The following TIA1 variants were observed in gnomAD, a reference collection of about 807,000 sequenced individuals.
The protein encoded by TIA1 is TIA1 cytotoxic granule associated RNA binding protein.
In TIA1, 23 loss-of-function variants were observed where a neutral mutation model predicts 65.9. The ratio of observed to expected loss-of-function variants is 0.35; its 90% CI spans 0.25 to 0.49. The LOEUF (loss-of-function observed/expected upper bound fraction) is 0.49, where lower values mean the gene tolerates loss of function less well. Ranked by LOEUF, TIA1 falls within the 20% of genes least tolerant of loss-of-function variation. The pLI is 0.98. For missense variants in TIA1, 371 were observed against 477.9 expected (o/e 0.78, Z 2.09); for synonymous variants, 147 against 149.4 (o/e 0.98, Z 0.12).
At chr2:70,215,342 T>C (rs1558756017) in intron 11 of TIA1, 29 bp downstream of exon 11, 19 of 1,611,520 alleles carry the variant, frequency 1.2e-5, no homozygotes, top group Admixed American at 1.7e-5. Context: ...AGCCCAACAA[T>C]TACTTCTCAA....
chr2:70,220,804 G>A (rs1040863315), intron 7 of TIA1, among the ~76,000 whole-genome samples: 1 of 151,796 alleles, frequency 6.6e-6, no homozygotes, highest in African/African-American at 2.4e-5. Context: ...CAACTCTTGA[G>A]AATTATAGCC....
chr2:70,216,412 C>T lies in TIA1; in HGVS notation c.671G>A (p.Gly224Glu). ...AGGGAAGGCTCCCATACCTGTTAGC[C>T]CAGAAGTAACACCTCCACAGTATAC... ...CTVYCGGVTSGLTEQLMRQTF... is the reference protein window; with the variant it reads ...CTVYCGGVTSELTEQLMRQTF... Residue 224 changes from glycine (G) to glutamate (E), a missense_variant, in exon 9 of 13, where the codon GGG (glycine) becomes GAG (glutamate). Transcript: ENST00000433529. The T allele has an allele frequency of 1.2e-6, 2 of 1,611,746 alleles. No individual in the cohort carries two copies. The highest frequency in any genetic ancestry group is 1.1e-5 in the South Asian group (1 of 90,398).
At chr2:70,222,929 T>G (rs921773226) in intron 7 of TIA1, among the ~76,000 whole-genome samples, 25 of 143,498 alleles carry the variant, frequency 1.7e-4, no homozygotes, top group African/African-American at 7.2e-4. Context: ...AAAAATTATA[T>G]TATTTACTCA....
At chr2:70,213,420 T>G (rs543598853) in intron 12 of TIA1, among the ~76,000 whole-genome samples, 1 of 151,552 alleles carries the variant, frequency 6.6e-6, no homozygotes, top group Non-Finnish European at 1.5e-5. Flanking sequence ...CTCAGCTCAC[T>G]GCAACCTACG....
In TIA1 at chr2:70,248,501, C is replaced by T; in HGVS notation, c.-71G>A. The T allele has an allele frequency of 6.3e-7, 1 of 1,598,404 alleles. No individual in the cohort carries two copies. Among genetic ancestry groups the T allele is most frequent in the Non-Finnish European group, 8.5e-7 (1 of 1,178,516 alleles). On this transcript the variant is annotated 5_prime_UTR_variant, in exon 1 of 13. Transcript: ENST00000433529. ...TTCACTACCTCCCAAATCGTTTAAG[C>T]GGTTATGGCTACAGGATAGTGGGGT...
chr2:70,223,664 T>C (rs956727316), intron 7 of TIA1, among the ~76,000 whole-genome samples: 2 of 151,870 alleles, frequency 1.3e-5, no homozygotes, highest in Non-Finnish European at 2.9e-5. Flanking sequence ...TCCGCCCACC[T>C]TGGCATCCCA....
At position 70,212,350 on chromosome 2, in the gene TIA1, T is replaced by C. The variant is rs1380686322; in HGVS notation, c.*369A>G. Reference sequence around the variant, plus strand: ...TTTAACATCTTTATATTACATGTTTTAAATCATATCAGGAATGCAAACTAG... The same window carrying C: ...TTTAACATCTTTATATTACATGTTTCAAATCATATCAGGAATGCAAACTAG... On this transcript the variant is annotated 3_prime_UTR_variant, in exon 13 of 13. Transcript: ENST00000433529. 5.8e-6 allele frequency: 1 copy of C among 172,458 alleles called. No individual in the cohort carries two copies. Among genetic ancestry groups the C allele is most frequent in the African/African-American group, 2.4e-5 (1 of 41,918 alleles). 10.7% of individuals were successfully genotyped at this position (172,458 alleles called of 1,614,324 possible). A position where few individuals can be genotyped will look rare whatever the true frequency, so the allele number is the denominator to read the frequency against.
chr2:70,230,670 G>A, intron 3 of TIA1, 86 bp downstream of exon 3: 1 of 897,846 alleles, frequency 1.1e-6, no homozygotes. Context: ...AAAAAAAAGT[G>A]TTTAATGTTT....
At chr2:70,215,237 T>C (rs914809335) in intron 11 of TIA1, 134 bp downstream of exon 11, 3 of 1,123,112 alleles carry the variant, frequency 2.7e-6, no homozygotes, top group Non-Finnish European at 3.8e-6. Context: ...TCTGGAACTA[T>C]AATACATGTA....
intron 3 of TIA1, among the ~76,000 whole-genome samples, chr2:70,230,404 A>C (rs1400195353): frequency 1.3e-5 from 2 of 152,026 alleles, no homozygotes; most frequent in Non-Finnish European, 2.9e-5. Context: ...TAATCCCAAC[A>C]CTTTGCGAAG....
At chr2:70,242,550 T>C (rs1330330344) in intron 1 of TIA1, among the ~76,000 whole-genome samples, 1 of 148,228 alleles carries the variant, frequency 6.7e-6, no homozygotes, top group East Asian at 2.0e-4. Context: ...CTCTGAAAAT[T>C]TGAGTAAAAA....
chr2:70,229,553 C>T (rs1249356436), intron 3 of TIA1, among the ~76,000 whole-genome samples: 2 of 152,138 alleles, frequency 1.3e-5, no homozygotes. Flanking sequence ...CTAAAGTACC[C>T]ATATTATTTT....
chr2:70,214,574 C>A, intron 11 of TIA1, 80 bp from the exon 12 acceptor site: 10 of 957,896 alleles, frequency 1.0e-5, no homozygotes, highest in South Asian at 3.3e-5. Flanking sequence ...AATTCTTAGC[C>A]AAAACACACA....
intron 8 of TIA1, 166 bp from the exon 9 acceptor site, chr2:70,216,665 TAAA>T (rs1558765079): frequency 5.0e-6 from 7 of 1,406,022 alleles, no homozygotes; most frequent in Non-Finnish European, 6.6e-6. Flanking sequence ...CACGAATGTC[TAAA>T]AAATTACCCA....
chr2:70,221,756 G>A (rs376047160), intron 7 of TIA1, among the ~76,000 whole-genome samples: 2 of 151,900 alleles, frequency 1.3e-5, no homozygotes, highest in South Asian at 2.1e-4. Context: ...ACAATTCTGT[G>A]AATTACCTAG....
chr2:70,209,555 A>C lies in TIA1; in HGVS notation c.*3164T>G. The C allele has an allele frequency of 2.5e-6, 1 of 398,322 alleles. No homozygotes were observed. The highest frequency in any genetic ancestry group is 4.4e-6 in the Non-Finnish European group (1 of 225,946). The allele number at this position is 398,322 out of a possible 1,614,324, so 24.7% of individuals were successfully genotyped here. A position where few individuals can be genotyped will look rare whatever the true frequency, so the allele number is the denominator to read the frequency against. ...CAGTCAAAATGCAGTGACTGTAATG[A>C]AATGTAATAACCTCCTATAAAGAAA... is the stretch of plus-strand genomic sequence containing the variant. On this transcript the variant is annotated 3_prime_UTR_variant, in exon 13 of 13. Coordinates refer to ENST00000433529, the MANE Select transcript of TIA1 (RefSeq NM_022173.4).
At chr2:70,248,147 G>A (rs1245950069) in intron 1 of TIA1, among the ~76,000 whole-genome samples, 1 of 152,192 alleles carries the variant, frequency 6.6e-6, no homozygotes, top group African/African-American at 2.4e-5. Context: ...GACCACAGAG[G>A]GCCCGTGGCG....
chr2:70,246,645 G>C (rs1232034176), intron 1 of TIA1, among the ~76,000 whole-genome samples: 1 of 152,202 alleles, frequency 6.6e-6, no homozygotes, highest in Non-Finnish European at 1.5e-5. Context: ...CAGCACTCTG[G>C]GAGGCCGAGG....
rs1204537595 is a variant in TIA1 at position 70,210,375 on chromosome 2, C to CTGATA, written c.*2339_*2343dup. ...ATTTTAAAAACTTTAATTTCCTTACCTGATACTAATACCAGTATGATTTTT... is the reference window on the plus strand; with the variant it reads ...ATTTTAAAAACTTTAATTTCCTTACCTGATATGATACTAATACCAGTATGATTTTT... On this transcript the variant is annotated 3_prime_UTR_variant, in exon 13 of 13. Transcript: ENST00000433529. The CTGATA allele has an allele frequency of 6.6e-6, 1 of 152,070 alleles. No homozygotes were observed. Among genetic ancestry groups the CTGATA allele is most frequent in the Non-Finnish European group, 1.5e-5 (1 of 68,012 alleles). The allele number at this position is 152,070 out of a possible 1,614,324, so 9.4% of individuals were successfully genotyped here.
Sources: gnomAD v4.1 joint callset for allele counts (sites outside exome capture counted in the v4.1 genomes callset) on GRCh38, gnomAD v4.1.1 for gene constraint, MANE v1.5 for transcripts, NCBI Gene and HGNC (gene_info 2026-07-23, HGNC 2026-07-21) for gene names.